The following GFRA1 variants were observed in gnomAD, a reference collection of about 807,000 sequenced individuals.
GFRA1 encodes the protein GDNF family receptor alpha-1.
A neutral mutation model predicts 51.6 loss-of-function variants in GFRA1; 16 were observed. That is an observed-to-expected ratio of 0.31 (90% CI 0.21 to 0.47). The LOEUF is 0.47. GFRA1 is among the 20% of genes least tolerant of loss of function. The probability of loss-of-function intolerance (pLI) is 1.00; values close to 1 mark genes in which losing one functional copy is unlikely to be tolerated. For missense variants in GFRA1, 530 were observed against 594.3 expected (o/e 0.89, Z 1.13); for synonymous variants, 270 against 241.3 (o/e 1.12, Z -1.10).
intron 9 of GFRA1, among the ~76,000 whole-genome samples, chr10:116,075,822 G>T (rs1446122928): frequency 1.3e-5 from 2 of 152,084 alleles, no homozygotes; most frequent in Non-Finnish European, 2.9e-5. Flanking sequence ...TCGGCTCACT[G>T]CAAGATCCGC....
chr10:116,065,151 GGTC>G (rs927526741), intron 10 of GFRA1, among the ~76,000 whole-genome samples: 21 of 152,220 alleles, frequency 1.4e-4, no homozygotes, highest in South Asian at 4.2e-4. Flanking sequence ...CAGAATTTTC[GGTC>G]TCCTCACCTG....
At chr10:116,221,608 A>G (rs1965930861) in intron 4 of GFRA1, among the ~76,000 whole-genome samples, 2 of 152,148 alleles carry the variant, frequency 1.3e-5, no homozygotes, top group African/African-American at 4.8e-5. Context: ...TGATTTTAGC[A>G]GAGATGTGGT....
At chr10:116,150,412 A>T (rs368364109) in intron 5 of GFRA1, among the ~76,000 whole-genome samples, 2 of 152,162 alleles carry the variant, frequency 1.3e-5, no homozygotes, top group East Asian at 3.9e-4. Flanking sequence ...TTCCCGGTCA[A>T]TATGTGATCT....
At chr10:116,228,444 C>T (rs1461009240) in intron 4 of GFRA1, among the ~76,000 whole-genome samples, 2 of 152,168 alleles carry the variant, frequency 1.3e-5, no homozygotes, top group African/African-American at 4.8e-5. Context: ...CCAAGATGCC[C>T]ATGTTCTAAT....
chr10:116,085,136 T>C (rs560616457), intron 9 of GFRA1, among the ~76,000 whole-genome samples: 3 of 152,312 alleles, frequency 2.0e-5, no homozygotes, highest in African/African-American at 7.2e-5. Flanking sequence ...AAGCCTTTCA[T>C]AGGAACCATG....
chr10:116,085,694 C>T lies in GFRA1; in HGVS notation c.1197+4047G>A, dbSNP rs111476444. On this transcript the variant is annotated intron_variant, in intron 9 of 10. Coordinates refer to ENST00000355422, the MANE Select transcript of GFRA1 (RefSeq NM_005264.8). Reference sequence around the variant, plus strand: ...CTTCACTCATCACTCTCTCATCCCCCCCATCCTCTAGCCTCAGATGATCCT... The same window carrying T: ...CTTCACTCATCACTCTCTCATCCCCTCCATCCTCTAGCCTCAGATGATCCT... Among the ~76,000 whole-genome samples the T allele has an allele frequency of 3.0e-3, 454 of 152,242 alleles. 6 individuals carry two copies. Among genetic ancestry groups the T allele is most frequent in the African/African-American group, 0.01 (432 of 41,548 alleles).
chr10:116,124,477 C>T (rs537732264), intron 6 of GFRA1, among the ~76,000 whole-genome samples: 44 of 150,378 alleles, frequency 2.9e-4, no homozygotes, highest in Non-Finnish European at 3.1e-4. Flanking sequence ...GTGATCCACC[C>T]GCCTCAGCCT....
intron 4 of GFRA1, among the ~76,000 whole-genome samples, chr10:116,221,928 G>A (rs764458005): frequency 6.6e-6 from 1 of 152,148 alleles, no homozygotes; most frequent in African/African-American, 2.4e-5. Flanking sequence ...TTAAGGTAAG[G>A]TAAGGACATG....
chr10:116,271,917 C>G, intron 2 of GFRA1, 73 bp downstream of exon 2: 1 of 1,185,326 alleles, frequency 8.4e-7, no homozygotes, highest in Non-Finnish European at 1.2e-6. Flanking sequence ...GTGCGGAGGG[C>G]GGGGTGGGCT....
chr10:116,271,060 G>A lies in GFRA1; in HGVS notation c.96C>T (p.Ala32=), dbSNP rs1267601832. The A allele has an allele frequency of 6.2e-7, 1 of 1,613,310 alleles. No individual in the cohort carries two copies. Among genetic ancestry groups the A allele is most frequent in the Admixed American group, 1.7e-5 (1 of 60,016 alleles). Residue 32 remains alanine, a synonymous_variant, in exon 3 of 11, where the codon GCC becomes GCT. Coordinates refer to ENST00000355422, the MANE Select transcript of GFRA1 (RefSeq NM_005264.8). ...TCTGCTCCTTCAGGCACTGATCACT[G>A]GCTTTCACGCAATCCAGGCGGTCTC... ...SGGDRLDCVK[A]SDQCLKEQSC...
At chr10:116,163,697 A>C (rs148182888) in intron 5 of GFRA1, among the ~76,000 whole-genome samples, 27 of 152,276 alleles carry the variant, frequency 1.8e-4, no homozygotes, top group African/African-American at 6.5e-4. Context: ...CCTGGTCTTC[A>C]GCTTCCCTTT....
chr10:116,139,150 T>C (rs1471900695), intron 5 of GFRA1, among the ~76,000 whole-genome samples: 1 of 152,198 alleles, frequency 6.6e-6, no homozygotes, highest in Non-Finnish European at 1.5e-5. Flanking sequence ...AGGTGAGTAA[T>C]CCAGCACTCT....
At chr10:116,065,427 G>A (rs117491173) in intron 10 of GFRA1, 146 bp downstream of exon 10, 11,165 of 697,712 alleles carry the variant, frequency 0.016, 260 homozygotes, top group South Asian at 0.064. Context: ...CTTGCTCAAA[G>A]GGCAGACGGT....
chr10:116,077,970 CA>C (rs1446010137), intron 9 of GFRA1, among the ~76,000 whole-genome samples: 17 of 152,186 alleles, frequency 1.1e-4, no homozygotes, highest in African/African-American at 3.6e-4. Flanking sequence ...AACGTCTCCC[CA>C]TGAGTGAGAT....
chr10:116,083,821 C>A (rs1955967944), intron 9 of GFRA1, among the ~76,000 whole-genome samples: 1 of 152,146 alleles, frequency 6.6e-6, no homozygotes, highest in Non-Finnish European at 1.5e-5. Context: ...GTGGAAGGGA[C>A]CATCTAAATA....
At position 116,125,322 on chromosome 10, in the gene GFRA1, C is replaced by T; in HGVS notation, c.669G>A (p.Glu223=). The T allele has an allele frequency of 1.9e-6, 3 of 1,614,260 alleles. No homozygotes were observed. The highest frequency in any genetic ancestry group is 2.7e-5 in the African/African-American group (2 of 75,070). The change falls in exon 6 of 11, where the codon GAG becomes GAA. Residue 223 remains glutamate, a synonymous_variant. Transcript: ENST00000355422. ...FCSCRDIACT[E]RRRQTIVPVC... ...CAGGCACGATGGTCTGTCGCCTCCG[C>T]TCTGTGCAGGCGATGTCCCGGCAGG...
In GFRA1 at chr10:116,260,066, T is replaced by C. The variant is rs1053942173; in HGVS notation, c.418+9437A>G. ...ATACACAGTTCTGGGATAGGCAGAG[T>C]TCCAAAGGGAACTGCAGTTTGACCA... On this transcript the variant is annotated intron_variant, in intron 4 of 10. Transcript: ENST00000355422. 1.6e-4 allele frequency among the ~76,000 whole-genome samples: 24 copies of C among 152,154 alleles called. No homozygotes were observed. In the East Asian group the frequency reaches 4.3e-3, roughly 27 times the overall value.
chr10:116,223,519 T>A (rs1966073326), intron 4 of GFRA1, among the ~76,000 whole-genome samples: 1 of 152,182 alleles, frequency 6.6e-6, no homozygotes, highest in Non-Finnish European at 1.5e-5. Flanking sequence ...TCGTCCCATG[T>A]CATGGCTGTG....
intron 4 of GFRA1, among the ~76,000 whole-genome samples, chr10:116,214,483 G>A (rs1489916916): frequency 6.6e-6 from 1 of 152,168 alleles, no homozygotes; most frequent in Non-Finnish European, 1.5e-5. Context: ...TGAGGAAACT[G>A]AGTCCCAGAC....
Sources: gnomAD v4.1 joint callset for allele counts (sites outside exome capture counted in the v4.1 genomes callset) on GRCh38, gnomAD v4.1.1 for gene constraint, MANE v1.5 for transcripts, NCBI Gene and HGNC (gene_info 2026-07-23, HGNC 2026-07-21) for gene names.